GBP7: variants seen among roughly 807,000 people sequenced by gnomAD.
GBP7 encodes the protein guanylate-binding protein 7.
GBP7 carries 43 observed loss-of-function variants against 61.3 expected under a neutral mutation model. The ratio of observed to expected loss-of-function variants is 0.70; its 90% CI spans 0.55 to 0.91. GBP7 has a LOEUF of 0.91. Among genes scored for constraint, GBP7 ranks in the 40% least tolerant of loss-of-function variants. GBP7 has a pLI of 0.00. For missense variants in GBP7, 717 were observed against 740.5 expected (o/e 0.97, Z 0.37); for synonymous variants, 267 against 271.0 (o/e 0.99, Z 0.14).
intron 8 of GBP7, among the ~76,000 whole-genome samples, chr1:89,147,214 A>G (rs1482984934): frequency 1.3e-5 from 2 of 152,202 alleles, no homozygotes; most frequent in East Asian, 3.8e-4. Context: ...ACCATATCCA[A>G]TGAGTATTAA....
intron 9 of GBP7, among the ~76,000 whole-genome samples, chr1:89,138,184 A>C (rs1246200409): frequency 6.6e-6 from 1 of 152,220 alleles, no homozygotes; most frequent in African/African-American, 2.4e-5. Flanking sequence ...AAATTATTTC[A>C]TGCATATGGA....
rs974072133 is a variant in GBP7, at chr1:89,145,363, C to A, written c.1365+2204G>T. ...TGTCCTCCAGGTTCATTCATGTTGT[C>A]GCCAGTGGTAGGATTTCTTTCTTTT... On this transcript the variant is annotated intron_variant, in intron 8 of 10. Transcript: ENST00000294671. 5.9e-5 allele frequency among the ~76,000 whole-genome samples: 9 copies of A among 152,220 alleles called. No individual in the cohort carries two copies. In the East Asian group the frequency reaches 1.7e-3, roughly 29 times the overall value.
chr1:89,158,765 C>T lies in GBP7; in HGVS notation c.318+5966G>A, dbSNP rs545070955. ...GTTCATGGATAGGAAGAATCAATAT[C>T]GTGAAAATGGCCCTACTGCCCAAGG... On this transcript the variant is annotated intron_variant, in intron 3 of 10. Transcript: ENST00000294671. 1.3e-4 allele frequency among the ~76,000 whole-genome samples: 20 copies of T among 152,202 alleles called. 1 individual carries two copies. In the South Asian group the frequency reaches 3.1e-3, roughly 24 times the overall value.
rs542265057 is a variant in GBP7 at position 89,167,850 on chromosome 1, A to G, written c.191-2992T>C. 1.3e-4 allele frequency among the ~76,000 whole-genome samples: 20 copies of G among 152,350 alleles called. No individual in the cohort carries two copies. In the East Asian group the frequency reaches 2.7e-3, roughly 21 times the overall value. ...ACGAGTCCAAACTCCTGACATTCCC[A>G]ACCAGATTCATAGGATTTTATTTTT... On this transcript the variant is annotated intron_variant, in intron 2 of 10. Transcript: ENST00000294671.
intron 9 of GBP7, among the ~76,000 whole-genome samples, chr1:89,136,764 G>A (rs1236684505): frequency 6.6e-6 from 1 of 151,896 alleles, no homozygotes; most frequent in Non-Finnish European, 1.5e-5. Flanking sequence ...AAACAAAAGT[G>A]AACCAAGCAC....
intron 2 of GBP7, among the ~76,000 whole-genome samples, chr1:89,169,554 T>A (rs2100661662): frequency 6.6e-6 from 1 of 152,366 alleles, no homozygotes; most frequent in African/African-American, 2.4e-5. Flanking sequence ...TTATTATTTA[T>A]CTACAACCTG....
chr1:89,160,961 A>G (rs1450984330), intron 3 of GBP7, among the ~76,000 whole-genome samples: 1 of 151,810 alleles, frequency 6.6e-6, no homozygotes, highest in Non-Finnish European at 1.5e-5. Flanking sequence ...ATAGGCTCCA[A>G]TGTGTGTTGT....
At chr1:89,153,843 C>A (rs1682256257) in intron 3 of GBP7, among the ~76,000 whole-genome samples, 1 of 152,128 alleles carries the variant, frequency 6.6e-6, no homozygotes, top group South Asian at 2.1e-4. Flanking sequence ...AATAAGATGG[C>A]AGTAGGTTGA....
At chr1:89,168,164 C>T (rs1173035564) in intron 2 of GBP7, among the ~76,000 whole-genome samples, 1 of 152,142 alleles carries the variant, frequency 6.6e-6, no homozygotes, top group African/African-American at 2.4e-5. Flanking sequence ...CATATAGAGG[C>T]TTCTAACTTC....
At chr1:89,154,923 G>A (rs988642604) in intron 3 of GBP7, among the ~76,000 whole-genome samples, 6 of 152,116 alleles carry the variant, frequency 3.9e-5, no homozygotes, top group Admixed American at 6.5e-5. Context: ...CCCGACCCCC[G>A]AGTAGCCTAA....
intron 2 of GBP7, among the ~76,000 whole-genome samples, chr1:89,170,073 G>T (rs1378201589): frequency 6.6e-6 from 1 of 152,080 alleles, no homozygotes; most frequent in African/African-American, 2.4e-5. Context: ...TGTTCAAATT[G>T]TACCAGTGAT....
intron 7 of GBP7, 140 bp downstream of exon 7, chr1:89,149,152 G>T (rs1570349215): frequency 1.6e-6 from 1 of 616,138 alleles, no homozygotes; most frequent in East Asian, 3.0e-5. Context: ...AAAAACTGTA[G>T]CCCATTAAAT....
intron 2 of GBP7, among the ~76,000 whole-genome samples, chr1:89,170,537 G>A (rs773161599): frequency 2.6e-5 from 4 of 152,156 alleles, no homozygotes; most frequent in Non-Finnish European, 5.9e-5. Context: ...ACTTTCCCCT[G>A]ACTTGGGACC....
chr1:89,152,828 T>C (rs1399948842), intron 3 of GBP7, 51 bp from the exon 4 acceptor site: 2 of 1,435,002 alleles, frequency 1.4e-6, no homozygotes, highest in Non-Finnish European at 1.9e-6. Context: ...TTTAGATACA[T>C]CTCAAGGTCA....
At chr1:89,150,611 A>G in intron 5 of GBP7, 36 bp from the exon 6 acceptor site, 1 of 1,602,088 alleles carries the variant, frequency 6.2e-7, no homozygotes, top group Non-Finnish European at 8.5e-7. Context: ...ACTGAAGAAC[A>G]GGTTTTAAGT....
chr1:89,146,817 G>A (rs1281461844), intron 8 of GBP7, among the ~76,000 whole-genome samples: 4 of 152,158 alleles, frequency 2.6e-5, no homozygotes, highest in African/African-American at 4.8e-5. Context: ...GGAGAAAAGG[G>A]AACCCTTAGA....
chr1:89,168,715 A>T lies in GBP7; in HGVS notation c.190+3031T>A, dbSNP rs945904752. On this transcript the variant is annotated intron_variant, in intron 2 of 10. Transcript: ENST00000294671. The stretch of plus-strand genomic sequence containing the variant: ...TTTGGGAGGCCAAGGCGGGTGGATC[A>T]CCTGAGGTCAGGAGTTCAAGACCAG... 9.2e-5 allele frequency among the ~76,000 whole-genome samples: 14 copies of T among 152,202 alleles called. No homozygotes were observed. In the East Asian group the frequency reaches 2.7e-3, roughly 29 times the overall value.
Position 89,152,789 on chromosome 1 carries a change from G to C in GBP7, c.319-12C>G. ...CTCTTAGGGTCACTCTAGTGTTAAA[G>C]AAAAAAAAAAAAAAAATGGAAGCCA... On this transcript the variant is annotated splice_polypyrimidine_tract_variant and intron_variant, in intron 3 of 10. Coordinates refer to ENST00000294671, the MANE Select transcript of GBP7 (RefSeq NM_207398.3). The C allele has an allele frequency of 2.5e-5, 31 of 1,247,662 alleles. No individual in the cohort carries two copies. The highest frequency in any genetic ancestry group is 3.0e-5 in the Non-Finnish European group (28 of 918,262). 77.3% of individuals were successfully genotyped at this position (1,247,662 alleles called of 1,614,324 possible). A position where few individuals can be genotyped will look rare whatever the true frequency, so the allele number is the denominator to read the frequency against.
At chr1:89,150,189 G>T in intron 6 of GBP7, 141 bp downstream of exon 6, 2 of 739,942 alleles carry the variant, frequency 2.7e-6, no homozygotes, top group Non-Finnish European at 4.4e-6. Flanking sequence ...TACCCTCACT[G>T]AGAAAAAATC....
Sources: allele counts gnomAD v4.1 joint callset (sites outside exome capture counted in the v4.1 genomes callset), GRCh38; gene constraint gnomAD v4.1.1; transcripts MANE v1.5; gene names NCBI Gene and HGNC (gene_info 2026-07-23, HGNC 2026-07-21).